KIF21A: variants seen among roughly 807,000 people sequenced by gnomAD.
KIF21A encodes kinesin-like protein KIF21A.
Under a neutral mutation model 202.9 loss-of-function variants are expected in KIF21A, and 114 were observed. The ratio of observed to expected loss-of-function variants is 0.56; its 90% CI spans 0.48 to 0.66. KIF21A has a LOEUF of 0.66. Among genes scored for constraint, KIF21A ranks in the 30% least tolerant of loss-of-function variants. The probability of loss-of-function intolerance (pLI) is 0.00; values close to 1 mark genes in which losing one functional copy is unlikely to be tolerated. For missense variants in KIF21A, 1,677 were observed against 1,994.9 expected (o/e 0.84, Z 3.04); for synonymous variants, 667 against 670.8 (o/e 0.99, Z 0.09).
chr12:39,433,065 A>G (rs1246713209), intron 1 of KIF21A, among the ~76,000 whole-genome samples: 1 of 152,222 alleles, frequency 6.6e-6, no homozygotes, highest in Admixed American at 6.5e-5. Flanking sequence ...TAGTAATTGT[A>G]TTAGGGAATT....
At position 39,307,700 on chromosome 12, in the gene KIF21A, G is replaced by A. The variant is rs144392523; in HGVS notation, c.4307C>T (p.Ala1436Val). ...TSSGQVTLGD[A>V]CSASTSRTVA... Reference sequence around the variant, plus strand: ...TGTTCGACTGGTACTTGCAGAACAAGCATCTCCAAGAGTAACTTGACCTGA... The same window carrying A: ...TGTTCGACTGGTACTTGCAGAACAAACATCTCCAAGAGTAACTTGACCTGA... The change falls in exon 34 of 38, where the codon GCT becomes GTT. Residue 1436 changes from alanine to valine, a missense_variant. Ala to Val is a moderately conservative substitution (Grantham distance 64). Coordinates refer to ENST00000361418, the MANE Select transcript of KIF21A (RefSeq NM_001173464.2). The A allele has an allele frequency of 1.5e-5, 24 of 1,613,890 alleles. No individual in the cohort carries two copies. The African/African-American group carries it at 2.8e-4, about 19-fold the overall frequency.
chr12:39,331,031 A>T (rs1056942219), intron 22 of KIF21A, 120 bp from the exon 23 acceptor site: 9 of 955,840 alleles, frequency 9.4e-6, no homozygotes, highest in Non-Finnish European at 1.5e-5. Flanking sequence ...ACCTCGAGTC[A>T]TCCCAGCTCC....
intron 12 of KIF21A, among the ~76,000 whole-genome samples, chr12:39,345,521 G>C (rs1175464067): frequency 6.6e-6 from 1 of 151,208 alleles, no homozygotes; most frequent in Non-Finnish European, 1.5e-5. Context: ...AAAATTATAA[G>C]GTAATTTAAA....
intron 37 of KIF21A, among the ~76,000 whole-genome samples, chr12:39,296,553 G>A (rs924576622): frequency 5.3e-5 from 8 of 152,132 alleles, no homozygotes; most frequent in Non-Finnish European, 8.8e-5. Flanking sequence ...CAACCAAGGG[G>A]ACCTGGAGTG....
At chr12:39,420,255 A>G (rs939700998) in intron 1 of KIF21A, among the ~76,000 whole-genome samples, 1 of 152,090 alleles carries the variant, frequency 6.6e-6, no homozygotes, top group Non-Finnish European at 1.5e-5. Context: ...CTACAGGGGC[A>G]AAGGTACATT....
intron 29 of KIF21A, among the ~76,000 whole-genome samples, chr12:39,317,131 T>C (rs568726648): frequency 6.6e-6 from 1 of 152,310 alleles, no homozygotes; most frequent in East Asian, 1.9e-4. Context: ...ACATATCTTC[T>C]ACTAATTAAA....
intron 23 of KIF21A, 70 bp from the exon 24 acceptor site, chr12:39,330,332 TC>T (rs1946405300): frequency 1.4e-6 from 2 of 1,380,084 alleles, no homozygotes; most frequent in South Asian, 2.3e-5. Context: ...TGTTAAAAAC[TC>T]CCACATAAAA....
intron 7 of KIF21A, among the ~76,000 whole-genome samples, chr12:39,362,408 A>G (rs533640872): frequency 1.3e-5 from 2 of 152,334 alleles, no homozygotes; most frequent in South Asian, 4.1e-4. Flanking sequence ...GTTGTTGGTA[A>G]CTTGTTGAAT....
intron 29 of KIF21A, among the ~76,000 whole-genome samples, chr12:39,316,863 A>G (rs1944606747): frequency 6.6e-6 from 1 of 152,208 alleles, no homozygotes; most frequent in South Asian, 2.1e-4. Flanking sequence ...GGTAGCTCAT[A>G]AAGTATTTCA....
At position 39,442,891 on chromosome 12, in the gene KIF21A, G is replaced by A. The variant is rs940239495; in HGVS notation, c.44+36C>T. On this transcript the variant is annotated intron_variant, in intron 1 of 37. Coordinates refer to ENST00000361418, the MANE Select transcript of KIF21A (RefSeq NM_001173464.2). This position sits in a 1 kb window ranked among gnomAD's most constrained non-coding sequence, Gnocchi z 5.0. ...CAGGTCCTTGCCGCGCCCTCAACCCGCCGCCCGCCGCCCGCCGCCGGCAGA... is the reference window on the plus strand; with the variant it reads ...CAGGTCCTTGCCGCGCCCTCAACCCACCGCCCGCCGCCCGCCGCCGGCAGA... 5 of 1,522,048 alleles carry A rather than the reference G, an allele frequency of 3.3e-6. No individual in the cohort carries two copies. In the African/African-American group the frequency reaches 5.7e-5, roughly 17 times the overall value. The allele number at this position is 1,522,048 out of a possible 1,614,324, so 94.3% of individuals were successfully genotyped here.
intron 12 of KIF21A, among the ~76,000 whole-genome samples, chr12:39,344,414 C>T (rs897151477): frequency 6.6e-6 from 1 of 152,170 alleles, no homozygotes; most frequent in Non-Finnish European, 1.5e-5. Flanking sequence ...GTTCCCTCTC[C>T]TGGGCAGTCT....
In KIF21A at chr12:39,366,493, T is replaced by C; in HGVS notation, c.760A>G (p.Ile254Val). ...TCATTCATCTGTGCTGATTCAGAAA[T>C]AATTTTATTATCAGTTGCATTGTCC... ...DADNATDNKI[I>V]SESAQMNEFE... Residue 254 changes from isoleucine (I) to valine (V), a missense_variant, in exon 6 of 38, where the codon ATT (isoleucine) becomes GTT (valine). By Grantham distance (29) the Ile-to-Val change is conservative. Coordinates refer to ENST00000361418, the MANE Select transcript of KIF21A (RefSeq NM_001173464.2). 1 of 1,610,468 alleles carries C rather than the reference T, an allele frequency of 6.2e-7. No homozygotes were observed. Among genetic ancestry groups the C allele is most frequent in the Admixed American group, 1.7e-5 (1 of 59,938 alleles).
At chr12:39,419,771 A>T (rs1455469920) in intron 1 of KIF21A, among the ~76,000 whole-genome samples, 2 of 152,144 alleles carry the variant, frequency 1.3e-5, no homozygotes, top group African/African-American at 2.4e-5. Context: ...TTCCTCTCCA[A>T]AGTATAAGGC....
intron 10 of KIF21A, among the ~76,000 whole-genome samples, chr12:39,355,726 T>TATATATATATATATATATAC (rs1948731584): frequency 1.4e-5 from 2 of 143,836 alleles, no homozygotes; most frequent in African/African-American, 2.6e-5. Context: ...TATATATATA[T>TATATATATATATATATATAC]ATATATATGT....
intron 10 of KIF21A, among the ~76,000 whole-genome samples, chr12:39,354,434 G>C (rs2138754356): frequency 6.6e-6 from 1 of 151,922 alleles, no homozygotes; most frequent in African/African-American, 2.4e-5. Context: ...TAGAATAATG[G>C]GAATACACAT....
chr12:39,352,197 C>A (rs1948442474), intron 10 of KIF21A, among the ~76,000 whole-genome samples: 1 of 152,050 alleles, frequency 6.6e-6, no homozygotes, highest in Admixed American at 6.6e-5. Context: ...TTCCCCTCAG[C>A]CCCTCTACCT....
chr12:39,311,371 T>TAA lies in KIF21A; in HGVS notation c.4096+45_4096+46insTT, dbSNP rs146348744. 1.9e-6 allele frequency: 3 copies of TAA among 1,545,692 alleles called. No individual in the cohort carries two copies. The East Asian group carries it at 6.9e-5, about 36-fold the overall frequency. On this transcript the variant is annotated intron_variant, in intron 32 of 37. Transcript: ENST00000361418. ...GAATATGTTAAAAATGTAATTTTTT[T>TAA]TAAAAAAAAAGCTATTAAATATCTG... is the stretch of plus-strand genomic sequence containing the variant.
chr12:39,308,259 G>A (rs550984229), intron 33 of KIF21A, among the ~76,000 whole-genome samples: 20 of 151,732 alleles, frequency 1.3e-4, no homozygotes, highest in Admixed American at 3.9e-4. Flanking sequence ...GTGGTGGTGC[G>A]TGCCTGTAAT....
At position 39,330,865 on chromosome 12, in the gene KIF21A, C is replaced by A. The variant is rs1239402355; in HGVS notation, c.3200G>T (p.Gly1067Val). The change falls in exon 23 of 38, where the codon GGT becomes GTT. Residue 1067 changes from glycine (G) to valine (V), a missense_variant. Physicochemically the swap from Gly to Val is moderately radical, Grantham distance 109. This residue lies in a region of KIF21A where 705 missense variants were observed against 791.9 expected (regional missense o/e 0.89). Coordinates refer to ENST00000361418, the MANE Select transcript of KIF21A (RefSeq NM_001173464.2). ...GGTTATTTCTGTTTGTTTGAGTCGA[C>A]CTTCCAGTACTTTAATTTGAGCCTC... is the stretch of plus-strand genomic sequence containing the variant. ...QKEAQIKVLE[G>V]RLKQTEITSA... The A allele has an allele frequency of 2.5e-6, 4 of 1,613,838 alleles. No individual in the cohort carries two copies. Among genetic ancestry groups the A allele is most frequent in the Admixed American group, 1.7e-5 (1 of 59,982 alleles).
Sources: allele counts gnomAD v4.1 joint callset (sites outside exome capture counted in the v4.1 genomes callset), GRCh38; gene constraint gnomAD v4.1.1; regional missense constraint gnomAD v4.1.1; non-coding constraint Gnocchi (gnomAD v3.1); transcripts MANE v1.5; gene names NCBI Gene and HGNC (gene_info 2026-07-23, HGNC 2026-07-21).